MAML3: variants seen among roughly 807,000 people sequenced by gnomAD.
MAML3 encodes mastermind-like protein 3.
Under a neutral mutation model 101.9 loss-of-function variants are expected in MAML3, and 27 were observed. The observed-to-expected ratio is 0.27, with a 90% confidence interval of 0.20 to 0.37. MAML3 has a LOEUF of 0.37. Among genes scored for constraint, MAML3 ranks in the 10% least tolerant of loss-of-function variants. MAML3 has a pLI of 1.00. For synonymous variants in MAML3, 501 were observed against 555.9 expected, an observed-to-expected ratio of 0.90 and a Z score of 1.39; for missense variants, 1,316 against 1,444.9, an observed-to-expected ratio of 0.91 and a Z score of 1.45.
At chr4:140,011,013 C>T (rs1726543114) in intron 1 of MAML3, among the ~76,000 whole-genome samples, 1 of 150,418 alleles carries the variant, frequency 6.6e-6, no homozygotes, top group South Asian at 2.1e-4. Context: ...AGGAGAATTG[C>T]TTGAACCCAG....
At chr4:140,032,284 A>C (rs1305799337) in intron 1 of MAML3, among the ~76,000 whole-genome samples, 1 of 152,198 alleles carries the variant, frequency 6.6e-6, no homozygotes. Flanking sequence ...CTTTTATCAC[A>C]GTTAGTGATA....
intron 2 of MAML3, among the ~76,000 whole-genome samples, chr4:139,826,569 T>C (rs1731064263): frequency 2.6e-5 from 4 of 152,196 alleles, no homozygotes; most frequent in Admixed American, 6.5e-5. Flanking sequence ...AATTGTCACA[T>C]GGCTCTCACA....
chr4:140,139,252 G>A (rs1051156591), intron 1 of MAML3, among the ~76,000 whole-genome samples: 1 of 152,168 alleles, frequency 6.6e-6, no homozygotes, highest in East Asian at 1.9e-4. Flanking sequence ...CAGCCTGGGT[G>A]ACAGAGCAAG....
chr4:139,755,185 C>T (rs1457108828), intron 2 of MAML3, among the ~76,000 whole-genome samples: 2 of 152,226 alleles, frequency 1.3e-5, no homozygotes, highest in Non-Finnish European at 2.9e-5. Context: ...TTCCATATTT[C>T]AACAGCCATA....
intron 4 of MAML3, among the ~76,000 whole-genome samples, chr4:139,721,611 G>T (rs345982): frequency 0.99 from 150,346 of 152,294 alleles, 74,233 homozygotes; most frequent in East Asian, 1. Context: ...TGTCTCCATA[G>T]TTTCTTCCTT....
At chr4:140,009,075 T>C (rs183272240) in intron 1 of MAML3, among the ~76,000 whole-genome samples, 1 of 152,338 alleles carries the variant, frequency 6.6e-6, no homozygotes, top group East Asian at 1.9e-4. Context: ...CTTAATATAA[T>C]AGCATGATAG....
chr4:140,040,322 C>A (rs1469715103), intron 1 of MAML3, among the ~76,000 whole-genome samples: 7 of 152,204 alleles, frequency 4.6e-5, no homozygotes, highest in African/African-American at 1.7e-4. Flanking sequence ...ACCGTGAACT[C>A]CGGGACACAT....
Position 140,047,138 on chromosome 4 carries a change from G to A in MAML3, c.468+105722C>T, listed in dbSNP as rs940984032. On this transcript the variant is annotated intron_variant, in intron 1 of 4. Coordinates refer to ENST00000509479, the MANE Select transcript of MAML3 (RefSeq NM_018717.5). ...AGATTTCCACAGGGAGAGATCAGGG[G>A]AGAAACGGTCTGGAAGGAGGGTGCC... Among the ~76,000 whole-genome samples the A allele has an allele frequency of 7.9e-5, 12 of 152,150 alleles. 1 individual carries two copies. Among genetic ancestry groups the A allele is most frequent in the Non-Finnish European group, 2.9e-5 (2 of 68,034 alleles).
chr4:140,148,240 T>C (rs962351438), intron 1 of MAML3, among the ~76,000 whole-genome samples: 1 of 152,204 alleles, frequency 6.6e-6, no homozygotes, highest in Non-Finnish European at 1.5e-5. Context: ...CCTGAAAACT[T>C]GGCTTTCCCT....
At chr4:139,832,131 GTCTT>G (rs1486908669) in intron 2 of MAML3, among the ~76,000 whole-genome samples, 1 of 72,774 alleles carries the variant, frequency 1.4e-5, no homozygotes, top group Non-Finnish European at 3.0e-5. Flanking sequence ...TTGAGACAGA[GTCTT>G]TCTCTGTTAC....
intron 2 of MAML3, among the ~76,000 whole-genome samples, chr4:139,756,752 G>A (rs150457984): frequency 3.9e-5 from 6 of 152,256 alleles, no homozygotes; most frequent in African/African-American, 1.4e-4. Context: ...CCCGTGAAAA[G>A]GTTGCTACTT....
At chr4:140,114,720 G>A (rs1560898083) in intron 1 of MAML3, among the ~76,000 whole-genome samples, 1 of 152,158 alleles carries the variant, frequency 6.6e-6, no homozygotes, top group Non-Finnish European at 1.5e-5. Flanking sequence ...GGCCTATCTT[G>A]TTTCATCCAT....
chr4:139,991,464 G>A (rs954789999), intron 1 of MAML3, among the ~76,000 whole-genome samples: 1 of 152,010 alleles, frequency 6.6e-6, no homozygotes, highest in Non-Finnish European at 1.5e-5. Flanking sequence ...AGAAAACCTA[G>A]GTCACCAAAC....
At chr4:140,150,040 A>G (rs371823332) in intron 1 of MAML3, among the ~76,000 whole-genome samples, 13 of 150,964 alleles carry the variant, frequency 8.6e-5, no homozygotes, top group East Asian at 3.9e-4. Context: ...TACCAGTGAG[A>G]GATGCATGTG....
chr4:139,849,423 G>A (rs1181376967), intron 2 of MAML3, among the ~76,000 whole-genome samples: 4 of 152,166 alleles, frequency 2.6e-5, no homozygotes, highest in African/African-American at 9.7e-5. Context: ...GGGTCCAGAC[G>A]CTGTGTCTAC....
At position 140,127,301 on chromosome 4, in the gene MAML3, G is replaced by A. The variant is rs145747879; in HGVS notation, c.468+25559C>T. The stretch of plus-strand genomic sequence containing the variant: ...AGCCCTCAGGTTCTTGCAGGGGAGG[G>A]GCAGTAAACCAGATGGTTGTCACTT... On this transcript the variant is annotated intron_variant, in intron 1 of 4. Transcript: ENST00000509479. Among the ~76,000 whole-genome samples the A allele has an allele frequency of 1.1e-3, 166 of 152,268 alleles. 1 individual carries two copies. The highest frequency in any genetic ancestry group is 3.9e-3 in the African/African-American group (162 of 41,550).
At chr4:139,888,001 T>C (rs1732376346) in intron 2 of MAML3, among the ~76,000 whole-genome samples, 1 of 152,208 alleles carries the variant, frequency 6.6e-6, no homozygotes, top group African/African-American at 2.4e-5. Flanking sequence ...TAAACCAAGT[T>C]ATACTTTTAT....
At chr4:140,084,981 A>G (rs1004752576) in intron 1 of MAML3, among the ~76,000 whole-genome samples, 2 of 152,114 alleles carry the variant, frequency 1.3e-5, no homozygotes, top group African/African-American at 4.8e-5. Context: ...ATTGGGTTAT[A>G]GTCCTTGTTG....
At chr4:140,091,315 A>AG (rs1327224671) in intron 1 of MAML3, among the ~76,000 whole-genome samples, 1 of 152,116 alleles carries the variant, frequency 6.6e-6, no homozygotes, top group Non-Finnish European at 1.5e-5. Flanking sequence ...ATAAGCCAAG[A>AG]GAGGGGCTGA....
Sources: allele counts gnomAD v4.1 joint callset (sites outside exome capture counted in the v4.1 genomes callset), GRCh38; gene constraint gnomAD v4.1.1; transcripts MANE v1.5; gene names NCBI Gene and HGNC (gene_info 2026-07-23, HGNC 2026-07-21).